Variants in CCDC170 observed in about 807,000 individuals in gnomAD.
CCDC170 encodes the protein coiled-coil domain-containing protein 170.
A neutral mutation model predicts 72.6 loss-of-function variants in CCDC170; 69 were observed. The ratio of observed to expected loss-of-function variants is 0.95; its 90% confidence interval spans 0.78 to 1.16. CCDC170 has a LOEUF of 1.16. Among genes scored for constraint, CCDC170 ranks in the 50% most tolerant of loss-of-function variants. CCDC170 has a pLI of 0.00. For missense variants in CCDC170, 852 were observed against 832.5 expected, an observed-to-expected ratio of 1.02 and a Z score of -0.29; for synonymous variants, 300 against 303.9, an observed-to-expected ratio of 0.99 and a Z score of 0.13.
intron 1 of CCDC170, among the ~76,000 whole-genome samples, chr6:151,495,286 A>G (rs564393146): frequency 1.9e-4 from 29 of 152,304 alleles, no homozygotes; most frequent in Non-Finnish European, 4.0e-4. Context: ...GAGGCCAGTT[A>G]CTAGATGTTT....
intron 3 of CCDC170, among the ~76,000 whole-genome samples, chr6:151,541,445 G>T (rs1782688975): frequency 6.6e-6 from 1 of 151,928 alleles, no homozygotes; most frequent in Admixed American, 6.6e-5. Context: ...TAAAATTCCT[G>T]GGTTCAAGTG....
intron 9 of CCDC170, among the ~76,000 whole-genome samples, chr6:151,611,040 G>A (rs988663066): frequency 7.9e-5 from 12 of 152,150 alleles, no homozygotes; most frequent in Non-Finnish European, 1.6e-4. Flanking sequence ...CACTTTGGGA[G>A]GTTGAGGTGG....
intron 1 of CCDC170, among the ~76,000 whole-genome samples, chr6:151,524,909 C>T (rs1782377126): frequency 6.8e-6 from 1 of 147,532 alleles, no homozygotes; most frequent in Non-Finnish European, 1.5e-5. Flanking sequence ...CAAATAGATC[C>T]AAATGGATTT....
At chr6:151,544,491 A>C in intron 3 of CCDC170, 81 bp from the exon 4 acceptor site, 703 of 1,295,466 alleles carry the variant, frequency 5.4e-4, no homozygotes, top group Non-Finnish European at 6.9e-4. Context: ...TTTCCCCCAT[A>C]GAGCTTATAT....
At chr6:151,608,877 C>A (rs1776825699) in intron 9 of CCDC170, among the ~76,000 whole-genome samples, 1 of 152,230 alleles carries the variant, frequency 6.6e-6, no homozygotes, top group African/African-American at 2.4e-5. Context: ...GGACTCCAGG[C>A]AGCTCATTAT....
rs200485421 is a variant in CCDC170 at position 151,536,303 on chromosome 6, G to C, written c.58-15G>C. ...ACTCTTCTTTATATTTTGTATTTTG[G>C]GGGAATTCTACCAGGAAACTTACGA... On this transcript the variant is annotated splice_polypyrimidine_tract_variant and intron_variant, in intron 1 of 10. Transcript: ENST00000239374. The C allele has an allele frequency of 6.2e-7, 1 of 1,612,440 alleles. No individual in the cohort carries two copies. Among genetic ancestry groups the C allele is most frequent in the Non-Finnish European group, 8.5e-7 (1 of 1,178,532 alleles).
intron 5 of CCDC170, among the ~76,000 whole-genome samples, chr6:151,550,218 A>C (rs1188774799): frequency 6.6e-6 from 1 of 152,216 alleles, no homozygotes; most frequent in Non-Finnish European, 1.5e-5. Context: ...AGCTTATACA[A>C]TCAGTTAATA....
chr6:151,517,145 A>C (rs1197646293), intron 1 of CCDC170, among the ~76,000 whole-genome samples: 1 of 151,910 alleles, frequency 6.6e-6, no homozygotes, highest in Non-Finnish European at 1.5e-5. Context: ...GACCAGCCTG[A>C]CCAACATGGA....
chr6:151,593,368 A>G (rs950264513), intron 8 of CCDC170, 88 bp downstream of exon 8: 20 of 1,369,596 alleles, frequency 1.5e-5, no homozygotes, highest in Non-Finnish European at 1.9e-5. Context: ...CACCATGTTT[A>G]CCAGTGTAGC....
Position 151,538,188 on chromosome 6 carries a change from A to AGAAT in CCDC170, c.331_334dup (p.Ser112Ter). 1.2e-6 allele frequency: 2 copies of AGAAT among 1,614,082 alleles called. No homozygotes were observed. The highest frequency in any genetic ancestry group is 2.2e-5 in the South Asian group (2 of 91,082). On this transcript the variant is annotated frameshift_variant, in exon 3 of 11. Coordinates refer to ENST00000239374, the MANE Select transcript of CCDC170 (RefSeq NM_025059.4). LOFTEE classifies it high-confidence loss of function. ...GAGACAGAGTTCAGGAACTAGAAGA[A>AGAAT]GAATCAGCAGCACTTTCCACTTCTA...
chr6:151,545,581 C>A (rs551478695), intron 4 of CCDC170, among the ~76,000 whole-genome samples: 1 of 152,168 alleles, frequency 6.6e-6, no homozygotes, highest in African/African-American at 2.4e-5. Flanking sequence ...CTTTCATATC[C>A]TTGCTTCCTG....
At chr6:151,519,852 C>A (rs767925864) in intron 1 of CCDC170, among the ~76,000 whole-genome samples, 1 of 152,134 alleles carries the variant, frequency 6.6e-6, no homozygotes, top group Non-Finnish European at 1.5e-5. Flanking sequence ...TTTTAGCATA[C>A]CAATGTATTA....
chr6:151,523,123 A>G (rs537118888), intron 1 of CCDC170, among the ~76,000 whole-genome samples: 33 of 152,130 alleles, frequency 2.2e-4, no homozygotes, highest in Non-Finnish European at 4.0e-4. Flanking sequence ...CTTTCTTCTC[A>G]TGTGTTTACA....
intron 1 of CCDC170, among the ~76,000 whole-genome samples, chr6:151,514,816 G>A (rs1407622036): frequency 6.6e-6 from 1 of 152,200 alleles, no homozygotes; most frequent in Non-Finnish European, 1.5e-5. Flanking sequence ...GCAGTGAGGA[G>A]CCTCTTGCTT....
chr6:151,555,157 C>T (rs1217147114), intron 5 of CCDC170, among the ~76,000 whole-genome samples: 2 of 152,020 alleles, frequency 1.3e-5, no homozygotes, highest in African/African-American at 4.8e-5. Flanking sequence ...GCTGGGATTA[C>T]AGATGTGAGC....
chr6:151,570,110 A>C (rs967268801), intron 5 of CCDC170, among the ~76,000 whole-genome samples: 2 of 152,180 alleles, frequency 1.3e-5, no homozygotes, highest in Non-Finnish European at 2.9e-5. Context: ...CTCATAGTTG[A>C]AATATTTTAA....
chr6:151,608,190 T>C (rs1407070182), intron 9 of CCDC170, among the ~76,000 whole-genome samples: 1 of 152,210 alleles, frequency 6.6e-6, no homozygotes, highest in East Asian at 1.9e-4. Flanking sequence ...TTCTTATATT[T>C]ATTTCTTTGC....
chr6:151,513,000 A>G (rs1402755026), intron 1 of CCDC170, among the ~76,000 whole-genome samples: 1 of 152,168 alleles, frequency 6.6e-6, no homozygotes, highest in Non-Finnish European at 1.5e-5. Context: ...TATCAAAACA[A>G]TTTTTATTTC....
At chr6:151,595,837 A>G (rs533834827) in intron 8 of CCDC170, among the ~76,000 whole-genome samples, 2 of 152,154 alleles carry the variant, frequency 1.3e-5, no homozygotes, top group South Asian at 4.2e-4. Context: ...AAGTTGATAT[A>G]TATCCACTCT....
Sources: gnomAD v4.1 joint callset for allele counts (sites outside exome capture counted in the v4.1 genomes callset) on GRCh38, gnomAD v4.1.1 for gene constraint, MANE v1.5 for transcripts, NCBI Gene and HGNC (gene_info 2026-07-23, HGNC 2026-07-21) for gene names.